Variants in ADAM12 observed in about 807,000 individuals in gnomAD.
ADAM12 encodes disintegrin and metalloproteinase domain-containing protein 12.
ADAM12 carries 70 observed loss-of-function variants against 106.4 expected under a neutral mutation model. The observed-to-expected ratio is 0.66, with a 90% CI of 0.54 to 0.80. The LOEUF (loss-of-function observed/expected upper bound fraction) is 0.80, where lower values mean the gene tolerates loss of function less well. ADAM12 is among the 30% of genes least tolerant of loss of function. ADAM12 has a pLI of 0.00. For missense variants in ADAM12, 1,010 were observed against 1,171.9 expected (o/e 0.86, Z 2.02); for synonymous variants, 420 against 433.5 (o/e 0.97, Z 0.39).
chr10:126,154,819 A>G (rs1341618574), intron 4 of ADAM12, among the ~76,000 whole-genome samples: 1 of 152,200 alleles, frequency 6.6e-6, no homozygotes, highest in African/African-American at 2.4e-5. Flanking sequence ...ATACATTCAG[A>G]ATAGGTTAAG....
chr10:126,085,156 G>C (rs1378092501), intron 11 of ADAM12, among the ~76,000 whole-genome samples: 2 of 152,108 alleles, frequency 1.3e-5, no homozygotes, highest in Admixed American at 1.3e-4. Flanking sequence ...CCTCACCCAG[G>C]TCTCCATGGA....
At chr10:126,238,631 G>GT in intron 3 of ADAM12, among the ~76,000 whole-genome samples, 1 of 152,070 alleles carries the variant, frequency 6.6e-6, no homozygotes, top group East Asian at 1.9e-4. Context: ...ATTTTTAAAA[G>GT]TTGTATGTCA....
At chr10:126,344,466 A>G (rs1186345865) in intron 1 of ADAM12, among the ~76,000 whole-genome samples, 6 of 152,084 alleles carry the variant, frequency 3.9e-5, no homozygotes, top group African/African-American at 1.4e-4. Context: ...TGATGCCTCC[A>G]GTTTTGTTCT....
In ADAM12 at chr10:126,198,450, T is replaced by C. The variant is rs570466927; in HGVS notation, c.261-43145A>G. On this transcript the variant is annotated intron_variant, in intron 3 of 22. Transcript: ENST00000448723. The stretch of plus-strand genomic sequence containing the variant: ...CTCCTGGAGCCATTGGGAGGGGCCA[T>C]ATGTTCTGCATTTCACCGGCTCTTG... 3.3e-5 allele frequency among the ~76,000 whole-genome samples: 5 copies of C among 152,340 alleles called. No individual in the cohort carries two copies. The South Asian group carries it at 1.0e-3, about 32-fold the overall frequency.
chr10:126,028,912 A>G (rs1164633437), intron 21 of ADAM12, among the ~76,000 whole-genome samples: 1 of 152,216 alleles, frequency 6.6e-6, no homozygotes, highest in Non-Finnish European at 1.5e-5. Context: ...AGGAATTTAA[A>G]ATTACAAGAA....
intron 3 of ADAM12, among the ~76,000 whole-genome samples, chr10:126,254,909 A>G (rs1258148330): frequency 6.6e-6 from 1 of 152,176 alleles, no homozygotes; most frequent in Non-Finnish European, 1.5e-5. Flanking sequence ...TAATTAAGAC[A>G]ATTAGGGCAC....
At chr10:126,161,365 C>T (rs149013428) in intron 3 of ADAM12, among the ~76,000 whole-genome samples, 1 of 152,004 alleles carries the variant, frequency 6.6e-6, no homozygotes, top group African/African-American at 2.4e-5. Flanking sequence ...GGTCAAATGA[C>T]CTGCCCAAGG....
At chr10:126,121,496 T>C (rs1956113843) in intron 5 of ADAM12, among the ~76,000 whole-genome samples, 1 of 25,436 alleles carries the variant, frequency 3.9e-5, no homozygotes, top group Non-Finnish European at 8.8e-5. Flanking sequence ...TGTAACAATA[T>C]ATAATATAAT....
chr10:126,062,401 C>T (rs1006981198), intron 14 of ADAM12, among the ~76,000 whole-genome samples: 11 of 152,066 alleles, frequency 7.2e-5, no homozygotes, highest in Non-Finnish European at 1.2e-4. Context: ...AGGAAGAGGA[C>T]GTGGCTACCT....
chr10:126,194,249 G>A (rs1957557209), intron 3 of ADAM12, among the ~76,000 whole-genome samples: 1 of 131,186 alleles, frequency 7.6e-6, no homozygotes, highest in South Asian at 2.5e-4. Flanking sequence ...CTTGCCAGCA[G>A]TCACAGACAT....
chr10:126,371,170 C>T (rs1856103662), intron 1 of ADAM12, among the ~76,000 whole-genome samples: 1 of 152,220 alleles, frequency 6.6e-6, no homozygotes, highest in South Asian at 2.1e-4. Flanking sequence ...ATAGTGCCTG[C>T]CTCCCAGGGC....
chr10:126,128,525 T>C (rs1956242922), intron 5 of ADAM12, among the ~76,000 whole-genome samples: 1 of 152,230 alleles, frequency 6.6e-6, no homozygotes, highest in South Asian at 2.1e-4. Context: ...TGGGTACGCA[T>C]GTGAGTGTGT....
intron 3 of ADAM12, among the ~76,000 whole-genome samples, chr10:126,243,489 A>ATGTATG (rs1554993771): frequency 6.8e-5 from 10 of 146,842 alleles, no homozygotes; most frequent in Admixed American, 5.4e-4. Context: ...GTGTGAGTGT[A>ATGTATG]TGTGTGTGTG....
chr10:126,279,267 A>T (rs929769995), intron 2 of ADAM12, among the ~76,000 whole-genome samples: 1 of 143,184 alleles, frequency 7.0e-6, no homozygotes, highest in Admixed American at 6.7e-5. Flanking sequence ...AAGTAAAAAT[A>T]AAAAAAATCA....
intron 5 of ADAM12, among the ~76,000 whole-genome samples, chr10:126,134,318 G>T (rs1321344035): frequency 6.6e-6 from 1 of 152,212 alleles, no homozygotes; most frequent in East Asian, 1.9e-4. Flanking sequence ...AGACAGACAG[G>T]GTTGGGTGAC....
chr10:126,332,680 C>T (rs1483132159), intron 1 of ADAM12, among the ~76,000 whole-genome samples: 1 of 152,134 alleles, frequency 6.6e-6, no homozygotes, highest in African/African-American at 2.4e-5. Flanking sequence ...CACATATAGC[C>T]ACGAGGATCG....
intron 1 of ADAM12, among the ~76,000 whole-genome samples, chr10:126,342,335 A>T (rs867143094): frequency 9.9e-5 from 15 of 152,242 alleles, no homozygotes; most frequent in Admixed American, 2.6e-4. Context: ...GAGGACCCAA[A>T]TGGGCAATCA....
Position 126,017,254 on chromosome 10 carries a change from A to G in ADAM12, c.*25T>C, listed in dbSNP as rs768478067. The G allele has an allele frequency of 1.3e-6, 2 of 1,571,164 alleles. No individual in the cohort carries two copies. The highest frequency in any genetic ancestry group is 1.7e-4 in the Middle Eastern group (1 of 6,012). ...AAAGATAGTGCAAACTTCTGTCTTC[A>G]CTGTTGAAAAAAGGTGTCGGCTTCT... On this transcript the variant is annotated 3_prime_UTR_variant, in exon 23 of 23. Coordinates refer to ENST00000448723, the MANE Select transcript of ADAM12 (RefSeq NM_001288973.2).
At chr10:126,192,755 C>T (rs950580403) in intron 3 of ADAM12, among the ~76,000 whole-genome samples, 2 of 152,224 alleles carry the variant, frequency 1.3e-5, no homozygotes, top group Non-Finnish European at 2.9e-5. Flanking sequence ...CAAATTAAAG[C>T]ATGGAGGCCA....
Sources: allele counts gnomAD v4.1 joint callset (sites outside exome capture counted in the v4.1 genomes callset), GRCh38; gene constraint gnomAD v4.1.1; transcripts MANE v1.5; gene names NCBI Gene and HGNC (gene_info 2026-07-23, HGNC 2026-07-21).